The following COL28A1 variants were observed in gnomAD, a reference collection of about 807,000 sequenced individuals.
COL28A1 encodes collagen alpha-1(XXVIII) chain.
COL28A1 carries 161 observed loss-of-function variants against 150.2 expected under a neutral mutation model. The ratio of observed to expected loss-of-function variants is 1.07; its 90% CI spans 0.94 to 1.22. The LOEUF (loss-of-function observed/expected upper bound fraction) is 1.22, where lower values mean the gene tolerates loss of function less well. COL28A1 is among the 50% of genes most tolerant of loss of function. The pLI is 0.00. For missense variants in COL28A1, 1,617 were observed against 1,388.3 expected (o/e 1.16, Z -2.62); for synonymous variants, 552 against 469.7 (o/e 1.18, Z -2.26).
intron 33 of COL28A1, among the ~76,000 whole-genome samples, chr7:7,368,164 T>C (rs1261792348): frequency 6.6e-6 from 1 of 152,158 alleles, no homozygotes; most frequent in East Asian, 1.9e-4. Flanking sequence ...TATGACTATA[T>C]GATTCTTGCT....
Position 7,370,850 on chromosome 7 carries a change from A to T in COL28A1, c.2941T>A (p.Cys981Ser). The change falls in exon 33 of 35, where the codon TGT (cysteine) becomes AGT (serine). Residue 981 changes from cysteine (C) to serine (S), a missense_variant. Transcript: ENST00000399429. ...TLKQKLFQKI[C>S]EDFDSYLVQI... ...ACGAGATAGGAATCAAAATCCTCACAAATTTTTTGAAACAATTTTTGCTTC... is the reference window on the plus strand; with the variant it reads ...ACGAGATAGGAATCAAAATCCTCACTAATTTTTTGAAACAATTTTTGCTTC... 1 of 1,612,460 alleles carries T rather than the reference A, an allele frequency of 6.2e-7. No individual in the cohort carries two copies. The highest frequency in any genetic ancestry group is 8.5e-7 in the Non-Finnish European group (1 of 1,179,222).
chr7:7,536,159 T>C (rs1430222337), upstream of COL28A1, among the ~76,000 whole-genome samples: 1 of 152,202 alleles, frequency 6.6e-6, no homozygotes, highest in Non-Finnish European at 1.5e-5. Flanking sequence ...TCTAAGATAC[T>C]GGTTCTGAAC....
Position 7,448,211 on chromosome 7 carries a change from A to G in COL28A1, c.1510-3722T>C, listed in dbSNP as rs73049736. The stretch of plus-strand genomic sequence containing the variant: ...GAATATCAGTGAACCAAGAATACCA[A>G]TGAACTTCAAGCACAAGAAACATAT... On this transcript the variant is annotated intron_variant, in intron 18 of 34. Transcript: ENST00000399429. Among the ~76,000 whole-genome samples the G allele has an allele frequency of 2.3e-3, 346 of 152,348 alleles. 1 individual carries two copies. Among genetic ancestry groups the G allele is most frequent in the Admixed American group, 3.9e-3 (59 of 15,304 alleles).
At chr7:7,423,765 C>T (rs1007031084) in intron 25 of COL28A1, among the ~76,000 whole-genome samples, 3 of 152,074 alleles carry the variant, frequency 2.0e-5, no homozygotes, top group African/African-American at 4.8e-5. Context: ...AAAATAGGTC[C>T]ATAGTTTACC....
chr7:7,446,838 G>T (rs1012767641), intron 18 of COL28A1, among the ~76,000 whole-genome samples: 5 of 152,178 alleles, frequency 3.3e-5, no homozygotes, highest in African/African-American at 1.2e-4. Flanking sequence ...GTGAACCAAG[G>T]TATCAAAAGT....
At position 7,531,305 on chromosome 7, in the gene COL28A1, A is replaced by T. The variant is rs376763967; in HGVS notation, c.681+43T>A. On this transcript the variant is annotated intron_variant, in intron 3 of 34. Transcript: ENST00000399429. ...TATGGGATTTACAACAAATATGTCA[A>T]TATTATGATGATAACTGTATAATCA... 3.9e-5 allele frequency: 31 copies of T among 788,638 alleles called. 1 individual carries two copies. The African/African-American group carries it at 4.0e-4, about 10-fold the overall frequency. The allele number at this position is 788,638 out of a possible 1,614,324, so 48.9% of individuals were successfully genotyped here.
chr7:7,358,872 G>C, intron 34 of COL28A1, 67 bp from the exon 35 acceptor site: 1 of 1,296,578 alleles, frequency 7.7e-7, no homozygotes. Context: ...AATAAAAACT[G>C]TATAAAGTTA....
chr7:7,422,385 C>A (rs1417073132), intron 25 of COL28A1, among the ~76,000 whole-genome samples: 1 of 152,098 alleles, frequency 6.6e-6, no homozygotes, highest in African/African-American at 2.4e-5. Context: ...AATCCCACCA[C>A]TCTGGCAGGC....
intron 33 of COL28A1, among the ~76,000 whole-genome samples, chr7:7,368,045 A>G (rs1357817521): frequency 6.6e-6 from 1 of 151,824 alleles, no homozygotes; most frequent in African/African-American, 2.4e-5. Context: ...GGGCCTCATT[A>G]TCATTTTCCT....
At chr7:7,355,496 G>T (rs1035594411), downstream of COL28A1, among the ~76,000 whole-genome samples, 1 of 152,068 alleles carries the variant, frequency 6.6e-6, no homozygotes, top group African/African-American at 2.4e-5. Flanking sequence ...TGTAGTCCTA[G>T]CTACTCAGGA....
chr7:7,407,079 A>C (rs1024837869), intron 27 of COL28A1, among the ~76,000 whole-genome samples: 1 of 152,126 alleles, frequency 6.6e-6, no homozygotes, highest in African/African-American at 2.4e-5. Flanking sequence ...GATACAGCTG[A>C]AGAAAGATTT....
chr7:7,495,084 T>A (rs902514040), intron 11 of COL28A1, among the ~76,000 whole-genome samples: 4 of 152,190 alleles, frequency 2.6e-5, no homozygotes, highest in African/African-American at 9.7e-5. Flanking sequence ...GAGCCACATT[T>A]GTAATTTTAA....
chr7:7,374,833 T>C (rs556312931), intron 31 of COL28A1, among the ~76,000 whole-genome samples: 1 of 152,336 alleles, frequency 6.6e-6, no homozygotes, highest in East Asian at 1.9e-4. Context: ...AAGGACAATA[T>C]GCCTGCCTCT....
chr7:7,525,792 A>G (rs1213291268), intron 3 of COL28A1, among the ~76,000 whole-genome samples: 1 of 152,232 alleles, frequency 6.6e-6, no homozygotes, highest in Non-Finnish European at 1.5e-5. Context: ...TCCCGTTTCA[A>G]CAATTAACTA....
In COL28A1 at chr7:7,373,329, A is replaced by G. The variant is rs776179572; in HGVS notation, c.2577T>C (p.Asp859=). Residue 859 remains aspartate, a synonymous_variant, in exon 32 of 35, where the codon GAT becomes GAC. Transcript: ENST00000399429. The surrounding 1 kb of genome is among the most constrained non-coding windows in gnomAD (Gnocchi z 4.1). ...TGTTGTCCACAGCCAACTTGAAGTC[A>G]TCCTTGCTGGAGAACTGCTTCAAAT... ...VANLKQFSSK[D]DFKLAVDNMQ... 1.9e-6 allele frequency: 3 copies of G among 1,614,136 alleles called. No individual in the cohort carries two copies. Among genetic ancestry groups the G allele is most frequent in the South Asian group, 2.2e-5 (2 of 91,078 alleles).
intron 14 of COL28A1, among the ~76,000 whole-genome samples, chr7:7,476,795 CGAT>C (rs1350610687): frequency 6.6e-6 from 1 of 152,156 alleles, no homozygotes; most frequent in Non-Finnish European, 1.5e-5. Flanking sequence ...TAGCTACACT[CGAT>C]GATTTAACTT....
At chr7:7,367,771 C>T (rs553553099) in intron 33 of COL28A1, among the ~76,000 whole-genome samples, 1 of 151,004 alleles carries the variant, frequency 6.6e-6, no homozygotes, top group African/African-American at 2.4e-5. Context: ...GTCCCTCAGG[C>T]ACCTCCACTT....
intron 27 of COL28A1, among the ~76,000 whole-genome samples, chr7:7,413,537 T>C (rs1165152835): frequency 6.6e-6 from 1 of 152,166 alleles, no homozygotes; most frequent in African/African-American, 2.4e-5. Flanking sequence ...AGAGGGGATA[T>C]GTGTCAAGTC....
intron 27 of COL28A1, among the ~76,000 whole-genome samples, chr7:7,408,444 T>C (rs1425524693): frequency 1.3e-5 from 2 of 152,140 alleles, no homozygotes; most frequent in Non-Finnish European, 2.9e-5. Context: ...AAACCAACAA[T>C]TGTAAAGTTC....
Sources: gnomAD v4.1 joint callset for allele counts (sites outside exome capture counted in the v4.1 genomes callset) on GRCh38, gnomAD v4.1.1 for gene constraint, Gnocchi (gnomAD v3.1) non-coding constraint, MANE v1.5 for transcripts, NCBI Gene and HGNC (gene_info 2026-07-23, HGNC 2026-07-21) for gene names.